Variants in ITIH2 observed in about 807,000 individuals in gnomAD.
The protein encoded by ITIH2 is inter-alpha-trypsin inhibitor heavy chain 2.
ITIH2 carries 103 observed loss-of-function variants against 104.4 expected under a neutral mutation model. That is an observed-to-expected ratio of 0.99 (90% CI 0.84 to 1.16). ITIH2 has a LOEUF of 1.16. Among genes scored for constraint, ITIH2 ranks in the 50% most tolerant of loss-of-function variants. The pLI is 0.00. For missense variants in ITIH2, 1,108 were observed against 1,162.4 expected (o/e 0.95, Z 0.68); for synonymous variants, 436 against 435.4 (o/e 1.00, Z -0.02).
At chr10:7,748,518 A>ATTTTTTTTTT (rs1564309292) in intron 20 of ITIH2, among the ~76,000 whole-genome samples, 2 of 29,006 alleles carry the variant, frequency 6.9e-5, no homozygotes, top group Non-Finnish European at 9.0e-5. Context: ...CCGCCAATGC[A>ATTTTTTTTTT]TTCTTTTTTT....
intron 3 of ITIH2, 107 bp downstream of exon 3, chr10:7,707,340 C>G (rs1290857176): frequency 2.5e-6 from 2 of 813,318 alleles, no homozygotes; most frequent in Non-Finnish European, 4.2e-6. Flanking sequence ...ATTTACCTGA[C>G]TTTCGAAATA....
chr10:7,704,477 G>A (rs1289309678), intron 1 of ITIH2, among the ~76,000 whole-genome samples: 2 of 152,122 alleles, frequency 1.3e-5, no homozygotes, highest in East Asian at 3.8e-4. Context: ...GGAGATGTAT[G>A]GTTCATGTCT....
intron 10 of ITIH2, among the ~76,000 whole-genome samples, 161 bp downstream of exon 10, chr10:7,727,279 T>C (rs1022975932): frequency 3.3e-5 from 5 of 152,222 alleles, no homozygotes; most frequent in African/African-American, 4.8e-5. Flanking sequence ...AAGTTTGTAG[T>C]GAAAGTAGAA....
rs189208429 is a variant in ITIH2 at position 7,709,516 on chromosome 10, G to A, written c.362+325G>A. Among the ~76,000 whole-genome samples the A allele has an allele frequency of 3.8e-3, 576 of 152,150 alleles. 2 individuals carry two copies. The highest frequency in any genetic ancestry group is 6.2e-3 in the Non-Finnish European group (421 of 68,004). On this transcript the variant is annotated intron_variant, in intron 4 of 20. Coordinates refer to ENST00000358415, the MANE Select transcript of ITIH2 (RefSeq NM_002216.3). ...CTGGCTTATAGGAAACCACATAAGA[G>A]CGTGTGCACAGCAGGTCAATGCCAT...
intron 12 of ITIH2, 64 bp from the exon 13 acceptor site, chr10:7,731,746 TA>T: frequency 8.7e-7 from 1 of 1,143,046 alleles, no homozygotes; most frequent in Non-Finnish European, 1.2e-6. Context: ...ATAAATAAAA[TA>T]AAATGCTTTA....
chr10:7,719,557 T>G (rs1169763806), intron 6 of ITIH2, among the ~76,000 whole-genome samples: 1 of 151,436 alleles, frequency 6.6e-6, no homozygotes, highest in East Asian at 1.9e-4. Context: ...AAAAACTGAG[T>G]GACAGCCTGG....
At position 7,732,406 on chromosome 10, in the gene ITIH2, C is replaced by T. The variant is rs1381527216; in HGVS notation, c.1716C>T (p.Asp572=). The change falls in exon 14 of 21, where the codon GAC becomes GAT. Residue 572 remains aspartate (D), a synonymous_variant. Coordinates refer to ENST00000358415, the MANE Select transcript of ITIH2 (RefSeq NM_002216.3). The part of the protein sequence containing the change: ...MDDLQDFLSK[D]KHADPDFTRK... The stretch of plus-strand genomic sequence containing the variant: ...ACTTGCAGGATTTTCTATCGAAAGA[C>T]AAGCATGCAGATCCCGATTTCACCA... The T allele has an allele frequency of 6.2e-7, 1 of 1,614,062 alleles. No individual in the cohort carries two copies. Among genetic ancestry groups the T allele is most frequent in the South Asian group, 1.1e-5 (1 of 91,064 alleles).
At chr10:7,722,148 A>C (rs780041642) in intron 8 of ITIH2, among the ~76,000 whole-genome samples, 5 of 152,172 alleles carry the variant, frequency 3.3e-5, no homozygotes, top group Non-Finnish European at 7.4e-5. Flanking sequence ...TAGAAAGATC[A>C]AGAGCCAGCG....
rs201633814 is a variant in ITIH2 at position 7,723,529 on chromosome 10, G to C, written c.946G>C (p.Asp316His). 1.2e-6 allele frequency: 2 copies of C among 1,613,746 alleles called. No individual in the cohort carries two copies. The highest frequency in any genetic ancestry group is 1.7e-6 in the Non-Finnish European group (2 of 1,179,706). ...PIPKNILFVI[D>H]VSGSMWGVKM... is the part of the protein sequence containing the mutation. ...TCCCAAAAACATCCTCTTTGTCATC[G>C]ATGTGAGTGGCTCCATGTGGGGAGT... The change falls in exon 9 of 21, where the codon GAT becomes CAT. Residue 316 changes from aspartate to histidine, a missense_variant. By Grantham distance (81) the Asp-to-His change is moderately conservative (BLOSUM62 -1). Transcript: ENST00000358415.
At chr10:7,732,284 A>G (rs1289288649) in intron 13 of ITIH2, 54 bp from the exon 14 acceptor site, 1 of 1,562,730 alleles carries the variant, frequency 6.4e-7, no homozygotes, top group Non-Finnish European at 8.8e-7. Flanking sequence ...ATGTGAATCA[A>G]TGAACTATAA....
chr10:7,737,456 C>G (rs1225375544), intron 15 of ITIH2, among the ~76,000 whole-genome samples: 1 of 124,712 alleles, frequency 8.0e-6, no homozygotes. Flanking sequence ...TAACAGATAA[C>G]GTATAATTAT....
In ITIH2 at chr10:7,732,448, T is replaced by C. The variant is rs1436698397; in HGVS notation, c.1758T>C (p.Tyr586=). 2 of 1,614,028 alleles carry C rather than the reference T, an allele frequency of 1.2e-6. No homozygotes were observed. Among genetic ancestry groups the C allele is most frequent in the Non-Finnish European group, 1.7e-6 (2 of 1,179,938 alleles). The part of the protein sequence containing the change: ...DPDFTRKLWA[Y]LTINQLLAER... The stretch of plus-strand genomic sequence containing the variant: ...ATTTCACCAGGAAACTGTGGGCCTA[T>C]CTAACCATCAACCAACTGCTAGCTG... Residue 586 remains tyrosine (Y), a synonymous_variant, in exon 14 of 21, where the codon TAT becomes TAC. Coordinates refer to ENST00000358415, the MANE Select transcript of ITIH2 (RefSeq NM_002216.3).
chr10:7,711,241 C>T (rs1210120411), intron 4 of ITIH2, among the ~76,000 whole-genome samples: 1 of 152,222 alleles, frequency 6.6e-6, no homozygotes, highest in Non-Finnish European at 1.5e-5. Context: ...CTTACAGCTT[C>T]AACCATGTCC....
In ITIH2 at chr10:7,737,429, A is replaced by C. The variant is rs775696207; in HGVS notation, c.1958-1192A>C. On this transcript the variant is annotated intron_variant, in intron 15 of 20. Coordinates refer to ENST00000358415, the MANE Select transcript of ITIH2 (RefSeq NM_002216.3). The stretch of plus-strand genomic sequence containing the variant: ...CTCATATATATATATATATATATAC[A>C]CGTGTATATATATATATAACAGATA... Among the ~76,000 whole-genome samples, 5 of 129,306 alleles carry C rather than the reference A, an allele frequency of 3.9e-5. No individual in the cohort carries two copies. The Admixed American group carries it at 4.4e-4, about 11-fold the overall frequency. 84.8% of individuals were successfully genotyped at this position (129,306 alleles called of 152,430 possible).
chr10:7,719,760 CAAAAAA>C (rs71385664), intron 6 of ITIH2, among the ~76,000 whole-genome samples: 3,426 of 41,738 alleles, frequency 0.082, 48 homozygotes, highest in South Asian at 0.2. Flanking sequence ...GACCCTGTCT[CAAAAAA>C]AAAAAAAAAA....
In ITIH2 at chr10:7,716,020, G is replaced by A. The variant is rs1055741073; in HGVS notation, c.468-1606G>A. Among the ~76,000 whole-genome samples the A allele has an allele frequency of 1.2e-4, 17 of 136,822 alleles. 1 individual carries two copies. Among genetic ancestry groups the A allele is most frequent in the Non-Finnish European group, 3.2e-5 (2 of 63,164 alleles). 89.8% of individuals were successfully genotyped at this position (136,822 alleles called of 152,430 possible). A position where few individuals can be genotyped will look rare whatever the true frequency, so the allele number is the denominator to read the frequency against. On this transcript the variant is annotated intron_variant, in intron 5 of 20. Transcript: ENST00000358415. ...TGGGATTATAGGCACCCACCACCACGCCCGGCTAATTTTTGTATTTTTAGG... is the reference window on the plus strand; with the variant it reads ...TGGGATTATAGGCACCCACCACCACACCCGGCTAATTTTTGTATTTTTAGG...
intron 19 of ITIH2, among the ~76,000 whole-genome samples, chr10:7,746,200 C>T (rs561827573): frequency 1.4e-5 from 2 of 147,468 alleles, no homozygotes; most frequent in East Asian, 4.1e-4. Context: ...CTGTGCAACA[C>T]GGTGAAACCC....
In ITIH2 at chr10:7,714,330, C is replaced by A. The variant is rs574072068; in HGVS notation, c.467+1045C>A. Among the ~76,000 whole-genome samples, 9 of 152,118 alleles carry A rather than the reference C, an allele frequency of 5.9e-5. No individual in the cohort carries two copies. In the South Asian group the frequency reaches 1.9e-3, roughly 32 times the overall value. ...GGGACTACAGGCACCCATCACCATG[C>A]CCGGCTAATTTTTTGTATTTTTCAG... is the stretch of plus-strand genomic sequence containing the variant. On this transcript the variant is annotated intron_variant, in intron 5 of 20. Transcript: ENST00000358415.
Position 7,707,231 on chromosome 10 carries a change from A to G in ITIH2, c.190A>G (p.Met64Val). Residue 64 changes from methionine (M) to valine (V), a missense_variant and splice_region_variant, in exon 3 of 21, where the codon ATG (methionine) becomes GTG (valine). Physicochemically the swap from Met to Val is conservative, Grantham distance 21. Coordinates refer to ENST00000358415, the MANE Select transcript of ITIH2 (RefSeq NM_002216.3). ...RSLPGESEEMMEEVDQVTLYS... is the reference protein window; with the variant it reads ...RSLPGESEEMVEEVDQVTLYS... ...CCTTCCAGGAGAATCGGAAGAAATG[A>G]TGGTAAGTTGACTTGATGTTGTTAC... 6.2e-7 allele frequency: 1 copy of G among 1,600,658 alleles called. No homozygotes were observed. The highest frequency in any genetic ancestry group is 1.7e-5 in the Admixed American group (1 of 59,718).
Sources: allele counts gnomAD v4.1 joint callset (sites outside exome capture counted in the v4.1 genomes callset), GRCh38; gene constraint gnomAD v4.1.1; transcripts MANE v1.5; gene names NCBI Gene and HGNC (gene_info 2026-07-23, HGNC 2026-07-21).